Variants in ASAH1 observed in about 807,000 individuals in gnomAD.
ASAH1 encodes acid ceramidase.
In ASAH1, 70 loss-of-function variants were observed where a neutral mutation model predicts 59.5. That is an observed-to-expected ratio of 1.18 (90% CI 0.97 to 1.43). ASAH1 has a LOEUF of 1.43. Among genes scored for constraint, ASAH1 ranks in the 40% most tolerant of loss-of-function variants. ASAH1 has a pLI of 0.00. For synonymous variants in ASAH1, 213 were observed against 166.5 expected, an observed-to-expected ratio of 1.28 and a Z score of -2.15; for missense variants, 660 against 482.5, an observed-to-expected ratio of 1.37 and a Z score of -3.45.
intron 1 of ASAH1, chr8:18,076,156 G>C (rs1304675253): frequency 1.3e-5 from 2 of 154,536 alleles, no homozygotes; most frequent in Non-Finnish European, 2.9e-5. Context: ...ATTCCCTCTT[G>C]CTAGAATGCC....
In ASAH1 at chr8:18,081,443, T is replaced by C. The variant is rs529000613; in HGVS notation, c.78+2538A>G. 3.7e-4 allele frequency among the ~76,000 whole-genome samples: 56 copies of C among 152,310 alleles called. 1 individual carries two copies. In the South Asian group the frequency reaches 9.5e-3, roughly 26 times the overall value. ...CTAAAACCATCTAATGGCCTCCCAT[T>C]GGCTGGTTCCAGATCCTCCCATTTT... is the stretch of plus-strand genomic sequence containing the variant. On this transcript the variant is annotated intron_variant, in intron 1 of 13. Transcript: ENST00000637790.
chr8:18,061,886 T>A, intron 8 of ASAH1, 146 bp from the exon 9 acceptor site: 1 of 832,818 alleles, frequency 1.2e-6, no homozygotes. Flanking sequence ...AAAGGCTTTT[T>A]AAAAAGTTCA....
intron 1 of ASAH1, among the ~76,000 whole-genome samples, chr8:18,079,928 A>G (rs1485552752): frequency 6.6e-6 from 1 of 152,216 alleles, no homozygotes; most frequent in African/African-American, 2.4e-5. Context: ...CTATTAAGCT[A>G]CTGATATTTA....
intron 1 of ASAH1, among the ~76,000 whole-genome samples, chr8:18,078,767 AGAT>A (rs2117089307): frequency 6.6e-6 from 1 of 152,352 alleles, no homozygotes; most frequent in East Asian, 1.9e-4. Flanking sequence ...GATTAGAAAC[AGAT>A]GATAAGAAGA....
intron 1 of ASAH1, among the ~76,000 whole-genome samples, chr8:18,081,459 C>T (rs1308930617): frequency 6.6e-6 from 1 of 152,182 alleles, no homozygotes; most frequent in Non-Finnish European, 1.5e-5. Context: ...GTTCCAGATC[C>T]TCCCATTTTT....
intron 1 of ASAH1, chr8:18,076,558 C>T (rs1339436028): frequency 2.0e-5 from 3 of 152,104 alleles, no homozygotes; most frequent in Non-Finnish European, 2.9e-5. Flanking sequence ...GTGTCTTTAT[C>T]TCCTTTCCTC....
intron 6 of ASAH1, chr8:18,063,748 T>C (rs886275996): frequency 3.2e-5 from 5 of 156,596 alleles, no homozygotes; most frequent in African/African-American, 1.2e-4. Flanking sequence ...CCCCACAAAA[T>C]CTGAGAGCAC....
intron 4 of ASAH1, 157 bp downstream of exon 4, chr8:18,069,635 T>A: frequency 3.4e-6 from 2 of 592,292 alleles, no homozygotes; most frequent in Non-Finnish European, 6.0e-6. Flanking sequence ...TATTACCAAT[T>A]CCCCAAATTT....
chr8:18,071,200 C>G, intron 3 of ASAH1, 100 bp downstream of exon 3: 4 of 616,438 alleles, frequency 6.5e-6, no homozygotes, highest in Non-Finnish European at 8.9e-6. Context: ...GAGTGAGACT[C>G]TGTCTCAAAA....
At chr8:18,073,459 T>C (rs908528923) in intron 2 of ASAH1, among the ~76,000 whole-genome samples, 1 of 152,230 alleles carries the variant, frequency 6.6e-6, no homozygotes, top group Non-Finnish European at 1.5e-5. Context: ...TGAACCCACA[T>C]GGCTACCTAG....
intron 4 of ASAH1, chr8:18,068,062 A>G (rs1468656226): frequency 1.3e-5 from 2 of 152,182 alleles, no homozygotes; most frequent in Non-Finnish European, 2.9e-5. Flanking sequence ...CATTTAACAA[A>G]CAAATGTGAC....
At chr8:18,073,000 G>A (rs1341898421) in intron 2 of ASAH1, among the ~76,000 whole-genome samples, 1 of 152,142 alleles carries the variant, frequency 6.6e-6, no homozygotes. Context: ...CGCGATGAGA[G>A]GGGATGAACA....
chr8:18,074,418 T>A (rs1214369088), intron 2 of ASAH1, among the ~76,000 whole-genome samples: 1 of 152,236 alleles, frequency 6.6e-6, no homozygotes, highest in East Asian at 1.9e-4. Flanking sequence ...TTTCACGCTA[T>A]CTGGGACAGA....
chr8:18,067,107 G>GTGCTGTATATCTAAGACATACAGCACCTC, intron 5 of ASAH1, 113 bp downstream of exon 5: 1 of 483,398 alleles, frequency 2.1e-6, no homozygotes, highest in Non-Finnish European at 2.9e-6. Flanking sequence ...CTGTGCACCT[G>GTGCTGTATATCTAAGACATACAGCACCTC]TGCTGTATAT....
Position 18,064,157 on chromosome 8 carries a change from C to A in ASAH1, c.457+300G>T, listed in dbSNP as rs2073572. The A allele has an allele frequency of 1.9e-5, 10 of 523,362 alleles. No homozygotes were observed. In the African/African-American group the frequency reaches 1.9e-4, roughly 10 times the overall value. The allele number at this position is 523,362 out of a possible 1,614,324, so 32.4% of individuals were successfully genotyped here. A position where few individuals can be genotyped will look rare whatever the true frequency, so the allele number is the denominator to read the frequency against. On this transcript the variant is annotated intron_variant, in intron 6 of 13. Coordinates refer to ENST00000637790, the MANE Select transcript of ASAH1 (RefSeq NM_177924.5). ...AGGAAGCACCTCCTGCGAGCACTTCCATCAAAGCATGTAGATGGGTAGAAG... is the reference window on the plus strand; with the variant it reads ...AGGAAGCACCTCCTGCGAGCACTTCAATCAAAGCATGTAGATGGGTAGAAG...
At position 18,067,277 on chromosome 8, in the gene ASAH1, G is replaced by A; in HGVS notation, c.325C>T (p.Pro109Ser). The change falls in exon 5 of 14, where the codon CCT becomes TCT. Residue 109 changes from proline to serine, a missense_variant. Transcript: ENST00000637790. ...EKLPGLLGNF[P>S]GPFEEEMKGI... ...TTCATTTCCTCTTCAAAAGGGCCAG[G>A]AAAGTTGCCAAGTAGGCCAGGCTGG... The A allele has an allele frequency of 1.9e-6, 3 of 1,601,032 alleles. No homozygotes were observed. Among genetic ancestry groups the A allele is most frequent in the East Asian group, 2.2e-5 (1 of 44,716 alleles).
chr8:18,073,460 G>T (rs1414973083), intron 2 of ASAH1, among the ~76,000 whole-genome samples: 1 of 152,152 alleles, frequency 6.6e-6, no homozygotes, highest in Non-Finnish European at 1.5e-5. Flanking sequence ...GAACCCACAT[G>T]GCTACCTAGG....
intron 5 of ASAH1, 188 bp downstream of exon 5, chr8:18,067,032 G>A: frequency 2.5e-6 from 1 of 396,480 alleles, no homozygotes. Context: ...TCCGTATCTT[G>A]ATCTGAGTCA....
intron 10 of ASAH1, chr8:18,060,751 T>A (rs557531943): frequency 1.3e-5 from 2 of 152,594 alleles, no homozygotes; most frequent in East Asian, 3.9e-4. Context: ...TTGTATTTAT[T>A]TATTTTGTTT....
Sources: gnomAD v4.1 joint callset for allele counts (sites outside exome capture counted in the v4.1 genomes callset) on GRCh38, gnomAD v4.1.1 for gene constraint, MANE v1.5 for transcripts, NCBI Gene and HGNC (gene_info 2026-07-23, HGNC 2026-07-21) for gene names.